Variants in STK39 observed in about 807,000 individuals in gnomAD.
STK39 encodes STE20/SPS1-related proline-alanine-rich protein kinase.
In STK39, 20 loss-of-function variants were observed where a neutral mutation model predicts 77.8. That is an observed-to-expected ratio of 0.26 (90% confidence interval 0.18 to 0.37). STK39 has a LOEUF of 0.37. STK39 is among the 10% of genes least tolerant of loss of function. The probability of loss-of-function intolerance (pLI) is 1.00; values close to 1 mark genes in which losing one functional copy is unlikely to be tolerated. For synonymous variants in STK39, 246 were observed against 234.1 expected (o/e 1.05, Z -0.47); for missense variants, 479 against 656.5 (o/e 0.73, Z 2.95).
intron 1 of STK39, among the ~76,000 whole-genome samples, chr2:168,193,172 C>T (rs992107266): frequency 3.3e-5 from 5 of 152,220 alleles, no homozygotes; most frequent in African/African-American, 9.6e-5. Flanking sequence ...ACCTCTCCAT[C>T]TGATCTGATT....
chr2:168,227,669 T>C (rs1481777343), intron 1 of STK39, among the ~76,000 whole-genome samples: 2 of 152,206 alleles, frequency 1.3e-5, no homozygotes, highest in Non-Finnish European at 2.9e-5. Flanking sequence ...AAACAATTTT[T>C]CTTTTTTATT....
intron 1 of STK39, among the ~76,000 whole-genome samples, chr2:168,236,052 C>G (rs549450278): frequency 6.1e-4 from 93 of 151,928 alleles, no homozygotes; most frequent in African/African-American, 2.0e-3. Context: ...AATGGTTGAA[C>G]TAGTTTACAG....
At chr2:168,104,516 T>C (rs936253968) in intron 10 of STK39, among the ~76,000 whole-genome samples, 2 of 152,208 alleles carry the variant, frequency 1.3e-5, no homozygotes, top group African/African-American at 2.4e-5. Context: ...GGGAGTTACA[T>C]GTGTGTATGT....
chr2:168,169,178 A>T (rs540125847), intron 2 of STK39, among the ~76,000 whole-genome samples: 5 of 152,288 alleles, frequency 3.3e-5, no homozygotes, highest in East Asian at 3.9e-4. Flanking sequence ...TTTGAATAAG[A>T]TCTGAAACCT....
chr2:168,006,354 T>G lies in STK39; in HGVS notation c.1498+6280A>C, dbSNP rs149116353. 1.5e-3 allele frequency among the ~76,000 whole-genome samples: 233 copies of G among 152,320 alleles called. No individual in the cohort carries two copies. The Middle Eastern group carries it at 0.017, about 11-fold the overall frequency. On this transcript the variant is annotated intron_variant, in intron 16 of 17. Coordinates refer to ENST00000355999, the MANE Select transcript of STK39 (RefSeq NM_013233.3). ...GAGGTTCTAAAACTTACTAAACTAA[T>G]TCCTCAAAAATTTATATCACAAAGT... is the stretch of plus-strand genomic sequence containing the variant.
chr2:168,132,934 A>T (rs775940816), intron 8 of STK39, among the ~76,000 whole-genome samples: 1 of 152,220 alleles, frequency 6.6e-6, no homozygotes, highest in Non-Finnish European at 1.5e-5. Flanking sequence ...ACACAGCACT[A>T]CAACTCCTGG....
At chr2:168,082,719 C>T (rs1290427402) in intron 10 of STK39, among the ~76,000 whole-genome samples, 3 of 152,220 alleles carry the variant, frequency 2.0e-5, no homozygotes, top group Non-Finnish European at 2.9e-5. Context: ...TCCATGGCCT[C>T]CCTGACCTCA....
intron 14 of STK39, among the ~76,000 whole-genome samples, chr2:168,060,143 CACTCCAACA>C (rs1422001394): frequency 6.6e-6 from 1 of 151,996 alleles, no homozygotes; most frequent in Non-Finnish European, 1.5e-5. Context: ...CTTTCCACCC[CACTCCAACA>C]ATAATTTCTC....
At chr2:168,205,340 T>A (rs1689714989) in intron 1 of STK39, among the ~76,000 whole-genome samples, 1 of 152,228 alleles carries the variant, frequency 6.6e-6, no homozygotes. Context: ...GGTTATCTTT[T>A]GAAGATACCA....
chr2:168,018,767 T>C (rs547613003), intron 14 of STK39, among the ~76,000 whole-genome samples: 45 of 152,252 alleles, frequency 3.0e-4, no homozygotes, highest in South Asian at 8.3e-4. Flanking sequence ...CTGTGAACTG[T>C]GCCCAAACCA....
At chr2:168,058,713 A>G (rs368316408) in intron 14 of STK39, among the ~76,000 whole-genome samples, 11 of 152,198 alleles carry the variant, frequency 7.2e-5, no homozygotes, top group South Asian at 2.1e-4. Context: ...TTTCTCCCCA[A>G]TCTGGAATCC....
chr2:168,172,995 C>T (rs1241772339), intron 2 of STK39, among the ~76,000 whole-genome samples: 6 of 152,194 alleles, frequency 3.9e-5, no homozygotes, highest in African/African-American at 1.4e-4. Flanking sequence ...GTTTAGGAGA[C>T]AGCCTGGGAA....
chr2:168,167,184 A>G (rs1396131448), intron 3 of STK39, 115 bp downstream of exon 3: 5 of 863,548 alleles, frequency 5.8e-6, no homozygotes, highest in Non-Finnish European at 9.1e-6. Context: ...GAGAAACCAA[A>G]CAAACTTTCA....
chr2:168,016,991 T>G (rs376931187), intron 15 of STK39, 52 bp downstream of exon 15: 52 of 1,420,100 alleles, frequency 3.7e-5, no homozygotes, highest in Non-Finnish European at 5.1e-5. Context: ...TTGTAATCAA[T>G]TTCTGCAATG....
At chr2:168,217,910 A>T (rs1438149041) in intron 1 of STK39, among the ~76,000 whole-genome samples, 1 of 152,190 alleles carries the variant, frequency 6.6e-6, no homozygotes, top group Non-Finnish European at 1.5e-5. Flanking sequence ...TCTCCTATGG[A>T]GGGGAGGAAG....
intron 1 of STK39, among the ~76,000 whole-genome samples, chr2:168,191,150 C>T (rs188143680): frequency 6.6e-6 from 1 of 152,316 alleles, no homozygotes; most frequent in East Asian, 1.9e-4. Flanking sequence ...CCCTTCTTTG[C>T]AGCTATAGGC....
chr2:168,145,586 A>T (rs1172918757), intron 5 of STK39, among the ~76,000 whole-genome samples: 3 of 152,334 alleles, frequency 2.0e-5, no homozygotes, highest in Middle Eastern at 3.4e-3. Flanking sequence ...ATTCATTTTT[A>T]AAAAAATAGA....
At chr2:168,201,430 A>G (rs1281688053) in intron 1 of STK39, among the ~76,000 whole-genome samples, 11 of 152,190 alleles carry the variant, frequency 7.2e-5, no homozygotes, top group Non-Finnish European at 1.0e-4. Context: ...TTTTGTCCCT[A>G]TGTCAGGAAA....
At chr2:167,996,543 G>A (rs1011955601) in intron 16 of STK39, among the ~76,000 whole-genome samples, 6 of 152,148 alleles carry the variant, frequency 3.9e-5, no homozygotes, top group Non-Finnish European at 1.5e-5. Context: ...CAGGCATCAC[G>A]GGTACATTCT....
Sources: allele counts gnomAD v4.1 joint callset (sites outside exome capture counted in the v4.1 genomes callset), GRCh38; gene constraint gnomAD v4.1.1; transcripts MANE v1.5; gene names NCBI Gene and HGNC (gene_info 2026-07-23, HGNC 2026-07-21).